SATB2: variants seen among roughly 807,000 people sequenced by gnomAD.
The protein encoded by SATB2 is SATB homeobox 2, also known as DNA-binding protein SATB2.
A neutral mutation model predicts 73.4 loss-of-function variants in SATB2; 1 was observed. The ratio of observed to expected loss-of-function variants is 0.01; its 90% confidence interval spans 0.00 to 0.06. The LOEUF (loss-of-function observed/expected upper bound fraction) is 0.06, where lower values mean the gene tolerates loss of function less well. SATB2 is among the 10% of genes least tolerant of loss of function. SATB2 has a pLI of 1.00. For synonymous variants in SATB2, 397 were observed against 367.0 expected, an observed-to-expected ratio of 1.08 and a Z score of -0.93; for missense variants, 459 against 945.8, an observed-to-expected ratio of 0.49 and a Z score of 6.75.
At chr2:199,415,374 A>G (rs1024312716) in intron 3 of SATB2, among the ~76,000 whole-genome samples, 7 of 152,250 alleles carry the variant, frequency 4.6e-5, no homozygotes, top group Non-Finnish European at 7.3e-5. Flanking sequence ...AAATTAGTAT[A>G]AATCTCCAAG....
intron 6 of SATB2, among the ~76,000 whole-genome samples, chr2:199,357,302 T>C (rs1475933832): frequency 6.6e-6 from 1 of 152,234 alleles, no homozygotes; most frequent in African/African-American, 2.4e-5. Context: ...CACTGTATGC[T>C]TTGTGTAACA....
intron 3 of SATB2, 132 bp downstream of exon 3, chr2:199,433,206 C>T: frequency 1.1e-6 from 1 of 903,858 alleles, no homozygotes. Flanking sequence ...AAATATTCTA[C>T]TGCTCACTAG....
intron 2 of SATB2, among the ~76,000 whole-genome samples, chr2:199,446,171 TAAA>T (rs1691956755): frequency 6.6e-6 from 1 of 152,164 alleles, no homozygotes; most frequent in East Asian, 1.9e-4. Flanking sequence ...CAGCTTCTAA[TAAA>T]GAAGAATAGC....
intron 2 of SATB2, among the ~76,000 whole-genome samples, chr2:199,444,657 C>T (rs1691912627): frequency 6.6e-6 from 1 of 152,168 alleles, no homozygotes; most frequent in Admixed American, 6.6e-5. Context: ...TTATTTCAAA[C>T]TCCATATTGA....
At chr2:199,285,140 A>G (rs982758174) in intron 10 of SATB2, among the ~76,000 whole-genome samples, 3 of 152,170 alleles carry the variant, frequency 2.0e-5, no homozygotes, top group Non-Finnish European at 4.4e-5. Context: ...ATTCATAAAT[A>G]TAACACATTA....
upstream of SATB2, among the ~76,000 whole-genome samples, chr2:199,460,787 C>T (rs980523481): frequency 6.6e-6 from 1 of 152,094 alleles, no homozygotes; most frequent in Non-Finnish European, 1.5e-5. This position sits in a 1 kb window ranked among gnomAD's most constrained non-coding sequence, Gnocchi z 4.0. Context: ...TATTGTTAAT[C>T]GGTTAATATT....
intron 9 of SATB2, among the ~76,000 whole-genome samples, chr2:199,323,563 G>T (rs534288112): frequency 1.3e-5 from 2 of 151,702 alleles, no homozygotes; most frequent in Non-Finnish European, 2.9e-5. Flanking sequence ...AATAAGGAGA[G>T]AAATCATTCG....
At chr2:199,386,034 A>G (rs1294690588) in intron 3 of SATB2, among the ~76,000 whole-genome samples, 1 of 152,162 alleles carries the variant, frequency 6.6e-6, no homozygotes, top group East Asian at 1.9e-4. Context: ...GGGACAATAG[A>G]TCCTTGTAAG....
intron 9 of SATB2, among the ~76,000 whole-genome samples, chr2:199,321,947 G>A (rs1055994170): frequency 6.6e-6 from 1 of 152,066 alleles, no homozygotes; most frequent in Non-Finnish European, 1.5e-5. Flanking sequence ...TTAATTCCCA[G>A]AACTATGTTC....
chr2:199,280,599 C>T (rs956723742), intron 10 of SATB2, among the ~76,000 whole-genome samples: 6 of 152,178 alleles, frequency 3.9e-5, no homozygotes, highest in Non-Finnish European at 1.5e-5. Flanking sequence ...CTGAAATGGC[C>T]GCTTTGGGGG....
intron 5 of SATB2, among the ~76,000 whole-genome samples, chr2:199,377,114 C>T (rs754725486): frequency 6.6e-6 from 1 of 152,130 alleles, no homozygotes; most frequent in African/African-American, 2.4e-5. Context: ...CAGTGGCTCA[C>T]GCCTATAATC....
At chr2:199,397,757 C>A in intron 3 of SATB2, 2 of 421,714 alleles carry the variant, frequency 4.7e-6, no homozygotes, top group Non-Finnish European at 9.5e-6. Flanking sequence ...GGCATGGTGG[C>A]GTGCTGCTGG....
At chr2:199,276,450 C>G (rs904272160) in intron 10 of SATB2, among the ~76,000 whole-genome samples, 1 of 152,148 alleles carries the variant, frequency 6.6e-6, no homozygotes, top group Non-Finnish European at 1.5e-5. Flanking sequence ...TGGTCTCTGT[C>G]CCAAGCAAGT....
intron 3 of SATB2, among the ~76,000 whole-genome samples, chr2:199,391,168 G>A (rs62178605): frequency 3.9e-4 from 60 of 152,082 alleles, no homozygotes; most frequent in South Asian, 1.5e-3. Context: ...ATTTTAGGCC[G>A]GGCGCGGTGG....
At chr2:199,334,633 T>C (rs570703892) in intron 7 of SATB2, among the ~76,000 whole-genome samples, 2 of 152,264 alleles carry the variant, frequency 1.3e-5, no homozygotes, top group Admixed American at 1.3e-4. Flanking sequence ...GTATGCTTGC[T>C]AGCCTTAATT....
chr2:199,396,084 AG>A (rs904364906), intron 3 of SATB2: 1 of 152,240 alleles, frequency 6.6e-6, no homozygotes, highest in Non-Finnish European at 1.5e-5. Context: ...GGGCTAAATT[AG>A]GCAACTGACA....
At chr2:199,297,226 T>C (rs187628505) in intron 10 of SATB2, among the ~76,000 whole-genome samples, 1 of 152,244 alleles carries the variant, frequency 6.6e-6, no homozygotes, top group Non-Finnish European at 1.5e-5. Flanking sequence ...TTCAAATAAT[T>C]TGTTGCCATC....
At position 199,464,919 on chromosome 2, in the gene SATB2, A is replaced by G. The variant is rs1366414445; in HGVS notation, c.-224T>C. The G allele has an allele frequency of 1.3e-5, 2 of 152,132 alleles. No homozygotes were observed. Among genetic ancestry groups the G allele is most frequent in the African/African-American group, 2.4e-5 (1 of 41,400 alleles). 9.4% of individuals were successfully genotyped at this position (152,132 alleles called of 1,614,324 possible). On this transcript the variant is annotated 5_prime_UTR_variant, in exon 1 of 12. Coordinates refer to the SATB2 transcript ENST00000260926. This position sits in a 1 kb window ranked among gnomAD's most constrained non-coding sequence, Gnocchi z 6.6. ...GTCGGCGCAGGGACGCTGGCTGCTC[A>G]CCTCCAGGAGCCGACAGAAGGTGCC...
intron 6 of SATB2, among the ~76,000 whole-genome samples, chr2:199,362,303 C>T (rs1046405472): frequency 6.6e-6 from 1 of 152,054 alleles, no homozygotes; most frequent in Admixed American, 6.6e-5. Context: ...CTCCTTGCTG[C>T]AGTAACTCCA....
Sources: allele counts gnomAD v4.1 joint callset (sites outside exome capture counted in the v4.1 genomes callset), GRCh38; gene constraint gnomAD v4.1.1; non-coding constraint Gnocchi (gnomAD v3.1); transcripts MANE v1.5; gene names NCBI Gene and HGNC (gene_info 2026-07-23, HGNC 2026-07-21).